Variants in LEF1 observed in about 807,000 individuals in gnomAD.
The protein encoded by LEF1 is lymphoid enhancer binding factor 1.
A neutral mutation model predicts 51.2 loss-of-function variants in LEF1; 14 were observed. That is an observed-to-expected ratio of 0.27 (90% CI 0.18 to 0.43). The LOEUF (loss-of-function observed/expected upper bound fraction) is 0.43, where lower values mean the gene tolerates loss of function less well. Ranked by LOEUF, LEF1 falls within the 20% of genes least tolerant of loss-of-function variation. LEF1 has a pLI of 1.00. For missense variants in LEF1, 386 were observed against 512.0 expected (o/e 0.75, Z 2.37); for synonymous variants, 185 against 183.2 (o/e 1.01, Z -0.08).
chr4:108,090,982 T>C (rs1368516659), intron 3 of LEF1, among the ~76,000 whole-genome samples: 1 of 152,162 alleles, frequency 6.6e-6, no homozygotes, highest in Non-Finnish European at 1.5e-5. Flanking sequence ...TTAAAAACAC[T>C]ATAGTAATGG....
chr4:108,091,480 T>A (rs189922548), intron 3 of LEF1, among the ~76,000 whole-genome samples: 10 of 152,004 alleles, frequency 6.6e-5, no homozygotes, highest in African/African-American at 9.6e-5. Context: ...AAAATCACAC[T>A]TTTTTTGGAA....
chr4:108,159,221 C>G (rs1412072079), intron 3 of LEF1, among the ~76,000 whole-genome samples: 1 of 152,050 alleles, frequency 6.6e-6, no homozygotes, highest in African/African-American at 2.4e-5. Context: ...ATGATCCTGT[C>G]CCAAATTGTA....
chr4:108,062,540 C>A (rs1162543676), intron 11 of LEF1, among the ~76,000 whole-genome samples: 1 of 152,162 alleles, frequency 6.6e-6, no homozygotes, highest in Non-Finnish European at 1.5e-5. Flanking sequence ...TGGGCAGACC[C>A]ACACACTCAG....
chr4:108,165,766 TAGAG>T (rs1003153154), intron 1 of LEF1, among the ~76,000 whole-genome samples: 1 of 152,152 alleles, frequency 6.6e-6, no homozygotes, highest in African/African-American at 2.4e-5. Flanking sequence ...GGAGGAAAAT[TAGAG>T]AGTCAGGTTA....
chr4:108,124,029 C>A (rs1304123390), intron 3 of LEF1, among the ~76,000 whole-genome samples: 1 of 152,034 alleles, frequency 6.6e-6, no homozygotes, highest in African/African-American at 2.4e-5. Context: ...GCCCCTGTAG[C>A]CCCTGCTACT....
chr4:108,090,012 A>G (rs1221444328), intron 3 of LEF1, among the ~76,000 whole-genome samples: 1 of 151,872 alleles, frequency 6.6e-6, no homozygotes, highest in Admixed American at 6.6e-5. Flanking sequence ...ATGGAGTTTC[A>G]CTGTGTCGCC....
At chr4:108,144,636 AGAAGGAAGGG>A (rs1027257045) in intron 3 of LEF1, among the ~76,000 whole-genome samples, 6 of 152,138 alleles carry the variant, frequency 3.9e-5, no homozygotes, top group Admixed American at 3.3e-4. Flanking sequence ...TAATCTAGAG[AGAAGGAAGGG>A]AGCAGAATTC....
intron 3 of LEF1, among the ~76,000 whole-genome samples, chr4:108,154,466 A>AAAAAAAT (rs1744563227): frequency 6.7e-6 from 1 of 149,226 alleles, no homozygotes. Context: ...AAAAAAAAAA[A>AAAAAAAT]TCAGTTGCTT....
intron 3 of LEF1, among the ~76,000 whole-genome samples, chr4:108,149,562 A>G (rs1744229618): frequency 6.6e-6 from 1 of 150,862 alleles, no homozygotes; most frequent in African/African-American, 2.4e-5. Context: ...ATAACTGAGG[A>G]TAAATCCAAT....
At chr4:108,140,550 C>G (rs1283155120) in intron 3 of LEF1, among the ~76,000 whole-genome samples, 1 of 152,178 alleles carries the variant, frequency 6.6e-6, no homozygotes, top group Admixed American at 6.5e-5. Flanking sequence ...GCTGGAGCAG[C>G]ATAAAAGGTA....
At chr4:108,107,502 A>AT (rs1432327379) in intron 3 of LEF1, among the ~76,000 whole-genome samples, 2 of 104,044 alleles carry the variant, frequency 1.9e-5, no homozygotes, top group Non-Finnish European at 4.4e-5. Context: ...GAAAAGGCTT[A>AT]TTTTATTTTT....
rs529073036 is a variant in LEF1 at position 108,059,973 on chromosome 4, C to A, written c.*6+3650G>T. On this transcript the variant is annotated intron_variant, in intron 11 of 11. Coordinates refer to ENST00000265165, the MANE Select transcript of LEF1 (RefSeq NM_016269.5). ...GTACTGGAATTACAGGAATGAGCTA[C>A]CATACCCAGCCTGGAGGATTGGTTC... 3.9e-5 allele frequency among the ~76,000 whole-genome samples: 6 copies of A among 152,278 alleles called. No individual in the cohort carries two copies. In the South Asian group the frequency reaches 1.2e-3, roughly 32 times the overall value.
intron 9 of LEF1, among the ~76,000 whole-genome samples, chr4:108,068,763 A>G (rs1450278738): frequency 1.3e-5 from 2 of 152,226 alleles, no homozygotes; most frequent in Admixed American, 1.3e-4. Context: ...GCATGACCTC[A>G]GATATGCATC....
In LEF1 at chr4:108,165,182, A is replaced by G; in HGVS notation, c.214-19T>C. The G allele has an allele frequency of 6.2e-7, 1 of 1,612,200 alleles. No homozygotes were observed. The highest frequency in any genetic ancestry group is 1.1e-5 in the South Asian group (1 of 91,032). ...TGGCCACCTAACATCATGAATCCCCACACCCAAAAGAAAGAAAATCACCTT... is the reference window on the plus strand; with the variant it reads ...TGGCCACCTAACATCATGAATCCCCGCACCCAAAAGAAAGAAAATCACCTT... On this transcript the variant is annotated intron_variant, in intron 1 of 11. Coordinates refer to ENST00000265165, the MANE Select transcript of LEF1 (RefSeq NM_016269.5).
intron 8 of LEF1, among the ~76,000 whole-genome samples, chr4:108,071,400 A>AT (rs1254769272): frequency 6.6e-6 from 1 of 152,166 alleles, no homozygotes; most frequent in East Asian, 1.9e-4. Flanking sequence ...TCACACAAGC[A>AT]TTTATGGCTA....
At chr4:108,132,656 T>G (rs1742968292) in intron 3 of LEF1, among the ~76,000 whole-genome samples, 1 of 131,962 alleles carries the variant, frequency 7.6e-6, no homozygotes, top group Admixed American at 8.7e-5. Flanking sequence ...AGCGAAAATC[T>G]GCCTTTTTTT....
At chr4:108,099,570 GTATATATATATATATATATA>G (rs551521155) in intron 3 of LEF1, among the ~76,000 whole-genome samples, 5,788 of 70,182 alleles carry the variant, frequency 0.082, 382 homozygotes, top group Non-Finnish European at 0.12. Context: ...GTGTGTGTGT[GTATATATATATATATATATA>G]TATATATATA....
chr4:108,157,988 C>T (rs1005017329), intron 3 of LEF1, among the ~76,000 whole-genome samples: 3 of 152,198 alleles, frequency 2.0e-5, no homozygotes, highest in Non-Finnish European at 2.9e-5. Flanking sequence ...TGCTCCCTGT[C>T]CAGTCCTCTG....
chr4:108,141,038 C>G (rs1004757626), intron 3 of LEF1, among the ~76,000 whole-genome samples: 4 of 152,102 alleles, frequency 2.6e-5, no homozygotes, highest in African/African-American at 9.7e-5. Flanking sequence ...AAGAGAGATC[C>G]ATATATATTA....
Sources: allele counts gnomAD v4.1 joint callset (sites outside exome capture counted in the v4.1 genomes callset), GRCh38; gene constraint gnomAD v4.1.1; transcripts MANE v1.5; gene names NCBI Gene and HGNC (gene_info 2026-07-23, HGNC 2026-07-21).